Variants in YAP1 observed in about 807,000 individuals in gnomAD.
YAP1 encodes transcriptional coactivator YAP1.
In YAP1, 5 loss-of-function variants were observed where a neutral mutation model predicts 56.9. That is an observed-to-expected ratio of 0.09 (90% CI 0.05 to 0.18). The LOEUF (loss-of-function observed/expected upper bound fraction) is 0.18. Ranked by LOEUF, YAP1 falls within the 10% of genes least tolerant of loss-of-function variation. The probability of loss-of-function intolerance (pLI) is 1.00; values close to 1 mark genes in which losing one functional copy is unlikely to be tolerated. For synonymous variants in YAP1, 265 were observed against 248.1 expected (o/e 1.07, Z -0.64); for missense variants, 539 against 651.8 (o/e 0.83, Z 1.88).
At chr11:102,172,848 G>C (rs767648728) in intron 3 of YAP1, among the ~76,000 whole-genome samples, 1 of 152,110 alleles carries the variant, frequency 6.6e-6, no homozygotes, top group Non-Finnish European at 1.5e-5. Flanking sequence ...CTGAGAGTGA[G>C]AGCCATGTGA....
chr11:102,219,316 G>A lies in YAP1; in HGVS notation c.1033-4306G>A, dbSNP rs1949808328. ...GAGTAATTCATTCACTCTGGCCTTAGGGGGTACAGCAAAAATAATTACGAT... is the reference window on the plus strand; with the variant it reads ...GAGTAATTCATTCACTCTGGCCTTAAGGGGTACAGCAAAAATAATTACGAT... On this transcript the variant is annotated intron_variant, in intron 6 of 8. Coordinates refer to ENST00000282441, the MANE Select transcript of YAP1 (RefSeq NM_001130145.3). Among the ~76,000 whole-genome samples the A allele has an allele frequency of 2.6e-5, 4 of 152,080 alleles. No individual in the cohort carries two copies. In the South Asian group the frequency reaches 8.3e-4, roughly 32 times the overall value.
At chr11:102,174,709 T>C (rs1235647153) in intron 3 of YAP1, among the ~76,000 whole-genome samples, 3 of 152,150 alleles carry the variant, frequency 2.0e-5, no homozygotes, top group African/African-American at 7.2e-5. Context: ...AAACTTTGGT[T>C]GTATTTGGTG....
intron 2 of YAP1, among the ~76,000 whole-genome samples, chr11:102,124,786 A>G (rs1943927241): frequency 6.6e-6 from 1 of 152,106 alleles, no homozygotes; most frequent in South Asian, 2.1e-4. Flanking sequence ...CCCAGGTTCG[A>G]GTGCAGTGGC....
intron 7 of YAP1, among the ~76,000 whole-genome samples, chr11:102,224,565 T>C (rs957891100): frequency 3.9e-5 from 6 of 152,196 alleles, no homozygotes; most frequent in East Asian, 1.9e-4. Flanking sequence ...GGAAAACTAT[T>C]ACACCACCTT....
chr11:102,175,475 A>T (rs1396356334), intron 3 of YAP1, among the ~76,000 whole-genome samples: 1 of 152,222 alleles, frequency 6.6e-6, no homozygotes, highest in Admixed American at 6.5e-5. Context: ...ATTTTCCCAT[A>T]TTCGGCTTAT....
At chr11:102,175,744 G>A (rs1420468193) in intron 3 of YAP1, among the ~76,000 whole-genome samples, 1 of 152,186 alleles carries the variant, frequency 6.6e-6, no homozygotes, top group African/African-American at 2.4e-5. Flanking sequence ...AAGTATATGT[G>A]TATCTAAATA....
chr11:102,199,190 A>G (rs1591394360), intron 4 of YAP1, among the ~76,000 whole-genome samples: 1 of 152,368 alleles, frequency 6.6e-6, no homozygotes, highest in South Asian at 2.1e-4. Flanking sequence ...ATCAGTCCTC[A>G]TAATAACTCA....
chr11:102,120,936 C>T (rs889060801), intron 2 of YAP1, among the ~76,000 whole-genome samples: 3 of 152,248 alleles, frequency 2.0e-5, no homozygotes, highest in Admixed American at 2.0e-4. Flanking sequence ...ACGCTGCCAC[C>T]TAGGAGGTGA....
chr11:102,172,184 ACTT>A (rs200030824), intron 3 of YAP1, among the ~76,000 whole-genome samples: 4,514 of 125,290 alleles, frequency 0.036, 270 homozygotes, highest in African/African-American at 0.12. Context: ...CAAGAGCAGA[ACTT>A]CTTCTCAAAA....
At chr11:102,218,693 A>G (rs1464760625) in intron 6 of YAP1, among the ~76,000 whole-genome samples, 1 of 152,202 alleles carries the variant, frequency 6.6e-6, no homozygotes, top group Non-Finnish European at 1.5e-5. Flanking sequence ...TATAGGTTTA[A>G]TGAGAAGAGT....
intron 4 of YAP1, among the ~76,000 whole-genome samples, chr11:102,187,369 T>TA (rs35514743): frequency 6.6e-6 from 1 of 152,062 alleles, no homozygotes; most frequent in African/African-American, 2.4e-5. Flanking sequence ...GTTTGGGTGT[T>TA]AAAAAAAGTA....
At chr11:102,187,110 A>C (rs1282007676) in intron 4 of YAP1, among the ~76,000 whole-genome samples, 2 of 152,192 alleles carry the variant, frequency 1.3e-5, no homozygotes, top group Admixed American at 6.5e-5. Flanking sequence ...CCATGAAAAC[A>C]CAACCCTGCG....
chr11:102,132,450 A>G (rs187917744), intron 2 of YAP1, among the ~76,000 whole-genome samples: 2 of 152,332 alleles, frequency 1.3e-5, no homozygotes, highest in Admixed American at 1.3e-4. Context: ...AGTTCTTCTG[A>G]TATCAAAACA....
chr11:102,179,957 G>A (rs904121890), intron 3 of YAP1, among the ~76,000 whole-genome samples: 1 of 151,028 alleles, frequency 6.6e-6, no homozygotes, highest in Non-Finnish European at 1.5e-5. Context: ...TGTTTTACAA[G>A]CATAAACAAA....
chr11:102,190,833 G>A (rs1948236120), intron 4 of YAP1, among the ~76,000 whole-genome samples: 1 of 152,028 alleles, frequency 6.6e-6, no homozygotes, highest in African/African-American at 2.4e-5. Context: ...CTGCTTGGGA[G>A]GCTGAGGCAC....
chr11:102,113,127 C>T (rs1943066773), intron 1 of YAP1, among the ~76,000 whole-genome samples: 1 of 152,192 alleles, frequency 6.6e-6, no homozygotes, highest in Non-Finnish European at 1.5e-5. Context: ...ATTAATGACT[C>T]TACTGAGTCC....
Position 102,229,775 on chromosome 11 carries a change from G to T in YAP1, c.1350G>T (p.Gly450=). 6.2e-7 allele frequency: 1 copy of T among 1,614,152 alleles called. No homozygotes were observed. The highest frequency in any genetic ancestry group is 1.1e-5 in the South Asian group (1 of 91,074). ...RFPDYLEAIP[G]TNVDLGTLEG... ...CAGACTACCTTGAAGCCATTCCTGG[G>T]ACAAATGTGGACCTTGGAACACTGG... Residue 450 remains glycine, a synonymous_variant, in exon 9 of 9, where the codon GGG becomes GGT. Coordinates refer to ENST00000282441, the MANE Select transcript of YAP1 (RefSeq NM_001130145.3).
chr11:102,134,275 G>C (rs1944540114), intron 2 of YAP1, among the ~76,000 whole-genome samples: 1 of 152,038 alleles, frequency 6.6e-6, no homozygotes, highest in Admixed American at 6.6e-5. Context: ...CAAGATGCTA[G>C]ATTAGTACCT....
At position 102,205,973 on chromosome 11, in the gene YAP1, A is replaced by C. The variant is rs772103496; in HGVS notation, c.883A>C (p.Met295Leu). The change falls in exon 5 of 9, where the codon ATG (methionine) becomes CTG (leucine). Residue 295 changes from methionine (M) to leucine (L), a missense_variant. By Grantham distance (15) the Met-to-Leu change is conservative. This residue lies in a region of YAP1 where 414 missense variants were observed against 512.4 expected (regional missense o/e 0.81). Transcript: ENST00000282441. ...TCCCCAGAGCCCACAGGGAGGCGTC[A>C]TGGGTGGCAGCAACTCCAACCAGCA... ...LAPQSPQGGV[M>L]GGSNSNQQQQ... 4.3e-6 allele frequency: 7 copies of C among 1,613,732 alleles called. No homozygotes were observed. The highest frequency in any genetic ancestry group is 5.9e-6 in the Non-Finnish European group (7 of 1,179,944).
Sources: allele counts gnomAD v4.1 joint callset (sites outside exome capture counted in the v4.1 genomes callset), GRCh38; gene constraint gnomAD v4.1.1; regional missense constraint gnomAD v4.1.1; transcripts MANE v1.5; gene names NCBI Gene and HGNC (gene_info 2026-07-23, HGNC 2026-07-21).